Variants in DPP10 observed in about 807,000 individuals in gnomAD.
The protein encoded by DPP10 is inactive dipeptidyl peptidase 10.
In DPP10, 33 loss-of-function variants were observed where a neutral mutation model predicts 120.9. That is an observed-to-expected ratio of 0.27 (90% CI 0.21 to 0.37). DPP10 has a LOEUF of 0.37. Among genes scored for constraint, DPP10 ranks in the 10% least tolerant of loss-of-function variants. The pLI, the probability that DPP10 is intolerant of heterozygous loss-of-function variation, is 1.00. For missense variants in DPP10, 816 were observed against 942.8 expected (o/e 0.87, Z 1.76); for synonymous variants, 337 against 326.1 (o/e 1.03, Z -0.36).
intron 1 of DPP10, among the ~76,000 whole-genome samples, chr2:114,874,510 A>G (rs903375552): frequency 6.6e-6 from 1 of 152,006 alleles, no homozygotes; most frequent in Admixed American, 6.6e-5. Context: ...TTCGGGTGTC[A>G]CTGTCTACCA....
chr2:114,603,045 TTGTC>T (rs1423579929), intron 1 of DPP10, among the ~76,000 whole-genome samples: 5 of 152,178 alleles, frequency 3.3e-5, no homozygotes, highest in African/African-American at 9.6e-5. Flanking sequence ...ACAGTCCTCA[TTGTC>T]TGTCTTGCCA....
At chr2:114,840,389 TA>T (rs1220987061) in intron 1 of DPP10, among the ~76,000 whole-genome samples, 1 of 152,138 alleles carries the variant, frequency 6.6e-6, no homozygotes, top group Non-Finnish European at 1.5e-5. Context: ...TTCTCTTGGA[TA>T]ATTTATGAAG....
intron 1 of DPP10, among the ~76,000 whole-genome samples, chr2:115,154,439 G>A (rs192797901): frequency 9.9e-5 from 15 of 152,194 alleles, no homozygotes; most frequent in Admixed American, 3.3e-4. Flanking sequence ...AACATCAGTA[G>A]ATCAGATGCT....
chr2:114,926,308 A>G (rs1243187415), intron 1 of DPP10, among the ~76,000 whole-genome samples: 1 of 152,214 alleles, frequency 6.6e-6, no homozygotes, highest in Admixed American at 6.5e-5. Context: ...TTCCAAAGGT[A>G]TTCACCACTG....
chr2:115,759,707 T>TA (rs1679868259), intron 11 of DPP10, among the ~76,000 whole-genome samples: 4 of 152,028 alleles, frequency 2.6e-5, no homozygotes, highest in African/African-American at 9.7e-5. Context: ...ACATATACAT[T>TA]CATATATAAA....
intron 1 of DPP10, among the ~76,000 whole-genome samples, chr2:115,210,948 C>A (rs1452908257): frequency 6.6e-6 from 1 of 151,872 alleles, no homozygotes; most frequent in Non-Finnish European, 1.5e-5. Context: ...AGAGGAAGAT[C>A]AAATAAGTCA....
chr2:115,285,279 C>T (rs1435114526), intron 1 of DPP10, among the ~76,000 whole-genome samples: 2 of 152,064 alleles, frequency 1.3e-5, no homozygotes, highest in African/African-American at 2.4e-5. Context: ...TTTAAAATAG[C>T]GAATTAACAC....
In DPP10 at chr2:115,843,444, C is replaced by G. The variant is rs1314171945; in HGVS notation, c.*1099C>G. The G allele has an allele frequency of 6.6e-6, 1 of 152,376 alleles. No homozygotes were observed. The highest frequency in any genetic ancestry group is 1.9e-4 in the East Asian group (1 of 5,194). The allele number at this position is 152,376 out of a possible 1,614,324, so 9.4% of individuals were successfully genotyped here. A position where few individuals can be genotyped will look rare whatever the true frequency, so the allele number is the denominator to read the frequency against. Reference sequence around the variant, plus strand: ...TCAATTCTCATTTTCATCGTAAAAGCAAATAGCTGGATTATTTCATTTGCC... The same window carrying G: ...TCAATTCTCATTTTCATCGTAAAAGGAAATAGCTGGATTATTTCATTTGCC... On this transcript the variant is annotated 3_prime_UTR_variant, in exon 26 of 26. Coordinates refer to ENST00000410059, the MANE Select transcript of DPP10 (RefSeq NM_020868.6).
At chr2:114,536,555 G>A (rs924816777) in intron 1 of DPP10, among the ~76,000 whole-genome samples, 6 of 151,664 alleles carry the variant, frequency 4.0e-5, no homozygotes, top group Non-Finnish European at 7.4e-5. Context: ...ACAGGCGCCC[G>A]CTACCATGCC....
chr2:115,270,888 G>A (rs56256828), intron 1 of DPP10, among the ~76,000 whole-genome samples: 5,638 of 112,008 alleles, frequency 0.05, 204 homozygotes, highest in East Asian at 0.25. Context: ...TCTTTATATT[G>A]TTTTTTTTTA....
chr2:115,739,801 C>G lies in DPP10; in HGVS notation c.760C>G (p.Leu254Val). 1 of 1,613,582 alleles carries G rather than the reference C, an allele frequency of 6.2e-7. No homozygotes were observed. Among genetic ancestry groups the G allele is most frequent in the Non-Finnish European group, 8.5e-7 (1 of 1,179,586 alleles). ...WSPDGERLAF[L>V]MINDSLVPTM... is the part of the protein sequence containing the mutation. ...ACCAGATGGAGAAAGACTTGCCTTC[C>G]TGATGATAAATGACTCTTTGGTACC... Residue 254 changes from leucine (L) to valine (V), a missense_variant, in exon 9 of 26, where the codon CTG (leucine) becomes GTG (valine). Around this residue, in one of 3 missense-constraint regions of DPP10, gnomAD observed 592 missense variants for 649.0 expected, o/e 0.91. Transcript: ENST00000410059.
chr2:114,505,503 G>T (rs1683571917), intron 1 of DPP10, among the ~76,000 whole-genome samples: 1 of 151,726 alleles, frequency 6.6e-6, no homozygotes, highest in Non-Finnish European at 1.5e-5. Flanking sequence ...CAAAGGGGAG[G>T]TCAGAGACCC....
chr2:115,506,744 A>G (rs921639124), intron 4 of DPP10, among the ~76,000 whole-genome samples: 2 of 152,238 alleles, frequency 1.3e-5, no homozygotes, highest in South Asian at 2.1e-4. Context: ...ATATTGATCT[A>G]TCTATATCTA....
At chr2:115,557,059 G>T (rs1575169829) in intron 5 of DPP10, among the ~76,000 whole-genome samples, 1 of 152,188 alleles carries the variant, frequency 6.6e-6, no homozygotes, top group East Asian at 1.9e-4. Flanking sequence ...CAATAGTTTT[G>T]CATTGCGACT....
At chr2:114,579,465 A>C (rs770667456) in intron 1 of DPP10, among the ~76,000 whole-genome samples, 14 of 152,314 alleles carry the variant, frequency 9.2e-5, no homozygotes, top group Non-Finnish European at 1.9e-4. Context: ...TGTATAAAAT[A>C]AAAAAGGTTT....
chr2:114,457,152 G>A (rs768990501), intron 1 of DPP10, among the ~76,000 whole-genome samples: 4 of 152,262 alleles, frequency 2.6e-5, no homozygotes, highest in Admixed American at 6.5e-5. Context: ...CAGATCCTGC[G>A]TCTGTTGTAT....
chr2:114,950,954 A>T (rs1020649790), intron 1 of DPP10, among the ~76,000 whole-genome samples: 2 of 152,170 alleles, frequency 1.3e-5, no homozygotes, highest in Non-Finnish European at 2.9e-5. Context: ...AGCATCTCTT[A>T]TGGGGATGAC....
chr2:115,833,603 G>A (rs1370580744), intron 21 of DPP10, among the ~76,000 whole-genome samples: 2 of 152,136 alleles, frequency 1.3e-5, no homozygotes, highest in Non-Finnish European at 2.9e-5. Flanking sequence ...ACATCATAAT[G>A]CCACGCATGG....
At chr2:115,378,633 T>G (rs2066011049) in intron 3 of DPP10, among the ~76,000 whole-genome samples, 2 of 150,878 alleles carry the variant, frequency 1.3e-5, no homozygotes, top group Non-Finnish European at 3.0e-5. Flanking sequence ...CTTGTGTCAG[T>G]TTTCAAAGGG....
Sources: allele counts gnomAD v4.1 joint callset (sites outside exome capture counted in the v4.1 genomes callset), GRCh38; gene constraint gnomAD v4.1.1; regional missense constraint gnomAD v4.1.1; transcripts MANE v1.5; gene names NCBI Gene and HGNC (gene_info 2026-07-23, HGNC 2026-07-21).